CD22: variants seen among roughly 807,000 people sequenced by gnomAD.
CD22 encodes the protein CD22 molecule.
Under a neutral mutation model 94.7 loss-of-function variants are expected in CD22, and 51 were observed. That is an observed-to-expected ratio of 0.54 (90% CI 0.43 to 0.68). The LOEUF (loss-of-function observed/expected upper bound fraction) is 0.68. CD22 is among the 30% of genes least tolerant of loss of function. The probability of loss-of-function intolerance (pLI) is 0.00; values close to 1 mark genes in which losing one functional copy is unlikely to be tolerated. For synonymous variants in CD22, 424 were observed against 422.5 expected (o/e 1.00, Z -0.04); for missense variants, 931 against 1,060.4 (o/e 0.88, Z 1.69).
At chr19:35,332,446 C>T (rs1044504585) in intron 2 of CD22, 101 bp from the exon 3 acceptor site, 558 of 1,274,786 alleles carry the variant, frequency 4.4e-4, no homozygotes, top group Admixed American at 6.1e-4. Flanking sequence ...ACCCCTATCT[C>T]TAAAAAGAAT....
Position 35,346,802 on chromosome 19 carries a change from A to G in CD22, c.*105A>G, listed in dbSNP as rs35529786. 0.26 allele frequency: 194,138 copies of G among 733,532 alleles called. 19,763 individuals carry two copies. The highest frequency in any genetic ancestry group is 0.34 in the Middle Eastern group (777 of 2,292). The allele number at this position is 733,532 out of a possible 1,614,324, so 45.4% of individuals were successfully genotyped here. Reference sequence around the variant, plus strand: ...GGCTTCCTCCTGCGCGCATGTGCGCACACACACACACACACGCACACACAC... The same window carrying G: ...GGCTTCCTCCTGCGCGCATGTGCGCGCACACACACACACACGCACACACAC... On this transcript the variant is annotated 3_prime_UTR_variant, in exon 14 of 14. Transcript: ENST00000085219.
chr19:35,338,728 C>A (rs908161271), intron 6 of CD22, among the ~76,000 whole-genome samples: 2 of 152,052 alleles, frequency 1.3e-5, no homozygotes, highest in African/African-American at 4.8e-5. Flanking sequence ...TTCCCGGGTT[C>A]ATGCCATTCT....
At chr19:35,329,368 T>C (rs560375748) in intron 1 of CD22, 138 bp downstream of exon 1, 357 of 470,724 alleles carry the variant, frequency 7.6e-4, no homozygotes, top group South Asian at 2.3e-3. Flanking sequence ...TTACAACAGG[T>C]TGTAGACAGA....
intron 3 of CD22, among the ~76,000 whole-genome samples, chr19:35,333,996 G>A (rs1322462312): frequency 6.6e-6 from 1 of 152,204 alleles, no homozygotes; most frequent in African/African-American, 2.4e-5. Flanking sequence ...TTGAGCTCCC[G>A]ATGCGTAGTC....
chr19:35,333,014 C>T, intron 3 of CD22, 90 bp downstream of exon 3: 8 of 1,415,046 alleles, frequency 5.7e-6, no homozygotes, highest in African/African-American at 2.8e-5. Flanking sequence ...GCTCACAAAC[C>T]GAGCTTCCTG....
chr19:35,338,097 C>T (rs984600577), intron 5 of CD22, 71 bp from the exon 6 acceptor site: 1 of 1,572,834 alleles, frequency 6.4e-7, no homozygotes, highest in Non-Finnish European at 8.6e-7. Context: ...GCCACGGGGG[C>T]TCTCGGGGCC....
At chr19:35,335,043 A>C (rs2066699420) in intron 3 of CD22, among the ~76,000 whole-genome samples, 3 of 136,128 alleles carry the variant, frequency 2.2e-5, no homozygotes, top group African/African-American at 8.5e-5. Flanking sequence ...ACGCCACTAC[A>C]CTCCAGTCCG....
At chr19:35,339,675 G>C (rs995432492) in intron 6 of CD22, among the ~76,000 whole-genome samples, 1 of 152,120 alleles carries the variant, frequency 6.6e-6, no homozygotes, top group Non-Finnish European at 1.5e-5. Flanking sequence ...GGCCAACATG[G>C]CGAAACCCTG....
At chr19:35,332,513 C>T (rs781137234) in intron 2 of CD22, 34 bp from the exon 3 acceptor site, 4 of 1,535,616 alleles carry the variant, frequency 2.6e-6, no homozygotes, top group Non-Finnish European at 3.5e-6. Context: ...GCTCTCATGC[C>T]CCCTTAGTAA....
At chr19:35,335,559 A>C (rs1323283143) in intron 3 of CD22, among the ~76,000 whole-genome samples, 1 of 150,948 alleles carries the variant, frequency 6.6e-6, no homozygotes. Flanking sequence ...CCTGTCTCTA[A>C]AGAAAAAAAG....
intron 9 of CD22, among the ~76,000 whole-genome samples, chr19:35,343,073 C>T (rs940538677): frequency 1.1e-4 from 17 of 151,660 alleles, no homozygotes; most frequent in South Asian, 4.2e-4. Context: ...GCTGGGATTA[C>T]AGGCGTGAGC....
intron 9 of CD22, 151 bp from the exon 10 acceptor site, chr19:35,344,678 C>CA: frequency 1.5e-6 from 1 of 652,008 alleles, no homozygotes; most frequent in Non-Finnish European, 2.7e-6. Flanking sequence ...AAGCAGGGGC[C>CA]GTTGTCACCC....
rs535721055 is a variant in CD22 at position 35,341,463 on chromosome 19, G to T, written c.1628G>T (p.Trp543Leu). Reference protein sequence around the residue: ...SSHPKEVQFFWEKNGRLLGKE... With the variant: ...SSHPKEVQFFLEKNGRLLGKE... ...CACCCCAAAGAAGTCCAGTTCTTCT[G>T]GGAGAAAAATGGCAGGCTTCTGGGG... Residue 543 changes from tryptophan (W) to leucine (L), a missense_variant, in exon 8 of 14, where the codon TGG (tryptophan) becomes TTG (leucine). Transcript: ENST00000085219. The surrounding 1 kb of genome is among the most constrained non-coding windows in gnomAD (Gnocchi z 4.0). 1 of 1,614,128 alleles carries T rather than the reference G, an allele frequency of 6.2e-7. No homozygotes were observed. Among genetic ancestry groups the T allele is most frequent in the East Asian group, 2.2e-5 (1 of 44,886 alleles).
chr19:35,341,852 G>C lies in CD22; in HGVS notation c.1922G>C (p.Ser641Thr). Residue 641 changes from serine (S) to threonine (T), a missense_variant, in exon 9 of 14, where the codon AGC becomes ACC. Transcript: ENST00000085219. The surrounding 1 kb of genome is among the most constrained non-coding windows in gnomAD (Gnocchi z 4.0). ...DWNNQSLPYH[S>T]QKLRLEPVKV... Reference sequence around the variant, plus strand: ...AATAACCAAAGCCTCCCCTACCACAGCCAGAAGCTGAGATTGGAGCCGGTG... The same window carrying C: ...AATAACCAAAGCCTCCCCTACCACACCCAGAAGCTGAGATTGGAGCCGGTG... 6.2e-7 allele frequency: 1 copy of C among 1,614,110 alleles called. No individual in the cohort carries two copies. The highest frequency in any genetic ancestry group is 8.5e-7 in the Non-Finnish European group (1 of 1,180,024).
At chr19:35,338,755 G>C (rs144772723) in intron 6 of CD22, among the ~76,000 whole-genome samples, 3,710 of 152,086 alleles carry the variant, frequency 0.024, 133 homozygotes, top group African/African-American at 0.085. Flanking sequence ...TCAGCCTCCT[G>C]AGTAGCTGGG....
rs770851100 is a variant in CD22, at chr19:35,337,797, T to TA, written c.762dup (p.Val255SerfsTer60). 6.2e-7 allele frequency: 1 copy of TA among 1,610,370 alleles called. No individual in the cohort carries two copies. Among genetic ancestry groups the TA allele is most frequent in the Non-Finnish European group, 8.5e-7 (1 of 1,177,124 alleles). ...ATCAAGGTCACTCCCAGTGATGCCATAGTGAGGGAGGGGGACTCTGTGACC... is the reference window on the plus strand; with the variant it reads ...ATCAAGGTCACTCCCAGTGATGCCATAAGTGAGGGAGGGGGACTCTGTGACC... On this transcript the variant is annotated frameshift_variant, in exon 5 of 14. Transcript: ENST00000085219. LOFTEE classifies it high-confidence loss of function. The surrounding 1 kb of genome is among the most constrained non-coding windows in gnomAD (Gnocchi z 4.4).
chr19:35,345,264 T>C (rs2066885917), intron 11 of CD22, 138 bp downstream of exon 11: 2 of 718,326 alleles, frequency 2.8e-6, no homozygotes, highest in Admixed American at 2.4e-5. Context: ...CAAAAAATAT[T>C]TTAAAAATTA....
chr19:35,333,030 C>G (rs1343818157), intron 3 of CD22, 106 bp downstream of exon 3: 10 of 1,251,220 alleles, frequency 8.0e-6, no homozygotes, highest in Non-Finnish European at 1.1e-5. Context: ...TCCTGCAGAG[C>G]TCAGGCAGGG....
chr19:35,333,267 G>C (rs74569084), intron 3 of CD22, among the ~76,000 whole-genome samples: 5,673 of 152,226 alleles, frequency 0.037, 238 homozygotes, highest in African/African-American at 0.1. Context: ...TCCTTTAGTG[G>C]GGTGGGTCTG....
Sources: allele counts gnomAD v4.1 joint callset (sites outside exome capture counted in the v4.1 genomes callset), GRCh38; gene constraint gnomAD v4.1.1; non-coding constraint Gnocchi (gnomAD v3.1); transcripts MANE v1.5; gene names NCBI Gene and HGNC (gene_info 2026-07-23, HGNC 2026-07-21).